Variants in TSFM observed in about 807,000 individuals in gnomAD.
TSFM encodes elongation factor Ts, mitochondrial.
TSFM carries 29 observed loss-of-function variants against 33.4 expected under a neutral mutation model. The ratio of observed to expected loss-of-function variants is 0.87; its 90% CI spans 0.65 to 1.18. The LOEUF is 1.18. TSFM is among the 50% of genes most tolerant of loss of function. The pLI is 0.00. For synonymous variants in TSFM, 178 were observed against 163.5 expected (o/e 1.09, Z -0.68); for missense variants, 394 against 395.6 (o/e 1.00, Z 0.04).
chr12:57,791,427 C>T (rs546377054), intron 4 of TSFM, among the ~76,000 whole-genome samples: 5 of 152,298 alleles, frequency 3.3e-5, no homozygotes, highest in Admixed American at 6.5e-5. Flanking sequence ...CCTTCTACCC[C>T]GTTCCTATCC....
intron 4 of TSFM, 50 bp from the exon 5 acceptor site, chr12:57,792,935 TA>T (rs1315725484): frequency 4.5e-6 from 7 of 1,562,986 alleles, no homozygotes; most frequent in Non-Finnish European, 6.2e-6. Context: ...ATTCTTTTGA[TA>T]ATTTGAATAG....
chr12:57,783,089 TC>T lies in TSFM; in HGVS notation c.58-18del, dbSNP rs1955534712. 6.3e-7 allele frequency: 1 copy of T among 1,597,774 alleles called. No individual in the cohort carries two copies. The highest frequency in any genetic ancestry group is 8.5e-7 in the Non-Finnish European group (1 of 1,173,834). On this transcript the variant is annotated intron_variant, in intron 1 of 5. Transcript: ENST00000652027. ...GGAGTTTGCTGCTTCCTGCTCCTCA[TC>T]CCTTTCTTATCTCATCTAGGCTGGG...
rs549515970 is a variant in TSFM, at chr12:57,794,023, G to C, written c.571+950G>C. Among the ~76,000 whole-genome samples the C allele has an allele frequency of 2.6e-5, 4 of 152,336 alleles. No homozygotes were observed. The South Asian group carries it at 8.3e-4, about 32-fold the overall frequency. On this transcript the variant is annotated intron_variant, in intron 5 of 5. Coordinates refer to ENST00000652027, the MANE Select transcript of TSFM (RefSeq NM_005726.6). ...TCCTTGATGGAGGGTGGGTGGTAGGGAAGGGTTGGAGCTTGCTGGGAATTT... is the reference window on the plus strand; with the variant it reads ...TCCTTGATGGAGGGTGGGTGGTAGGCAAGGGTTGGAGCTTGCTGGGAATTT...
At position 57,796,707 on chromosome 12, in the gene TSFM, T is replaced by G. The variant is rs911399306; in HGVS notation, c.*124T>G. The G allele has an allele frequency of 7.2e-6, 9 of 1,246,798 alleles. No individual in the cohort carries two copies. The highest frequency in any genetic ancestry group is 4.0e-5 in the South Asian group (1 of 24,946). The allele number at this position is 1,246,798 out of a possible 1,614,324, so 77.2% of individuals were successfully genotyped here. A position where few individuals can be genotyped will look rare whatever the true frequency, so the allele number is the denominator to read the frequency against. ...TGGGTAAAATTATTAAATAGTTGTA[T>G]AATAAAAATAATTTTTTCCTTGTTT... On this transcript the variant is annotated 3_prime_UTR_variant, in exon 6 of 6. Coordinates refer to ENST00000652027, the MANE Select transcript of TSFM (RefSeq NM_005726.6).
intron 2 of TSFM, chr12:57,783,858 C>G (rs866809314): frequency 1.5e-6 from 1 of 666,158 alleles, no homozygotes; most frequent in Non-Finnish European, 2.7e-6. Context: ...TCAGGTGATC[C>G]GCCCGCCTCG....
At chr12:57,799,809 G>C (rs1459350300), downstream of TSFM, 3 of 1,613,890 alleles carry the variant, frequency 1.9e-6, no homozygotes, top group East Asian at 4.5e-5. Flanking sequence ...TTTTTGGCAG[G>C]GTTTACATCC....
intron 4 of TSFM, among the ~76,000 whole-genome samples, chr12:57,789,868 C>G (rs1955639685): frequency 6.6e-6 from 1 of 151,940 alleles, no homozygotes; most frequent in Non-Finnish European, 1.5e-5. Flanking sequence ...CTTTGATATG[C>G]CCTTATTATT....
Position 57,797,474 on chromosome 12 carries a change from T to A in TSFM, c.*891T>A. Reference sequence around the variant, plus strand: ...TTTGCCTATGGAGTGCATATATGATTTCAATGATTTACAGGCTAAATAGAT... The same window carrying A: ...TTTGCCTATGGAGTGCATATATGATATCAATGATTTACAGGCTAAATAGAT... On this transcript the variant is annotated 3_prime_UTR_variant, in exon 6 of 6. Coordinates refer to ENST00000652027, the MANE Select transcript of TSFM (RefSeq NM_005726.6). 4 of 983,724 alleles carry A rather than the reference T, an allele frequency of 4.1e-6. No individual in the cohort carries two copies. Among genetic ancestry groups the A allele is most frequent in the Non-Finnish European group, 4.8e-6 (4 of 828,318 alleles). The allele number at this position is 983,724 out of a possible 1,614,324, so 60.9% of individuals were successfully genotyped here.
rs1955536022 is a variant in TSFM at position 57,783,141 on chromosome 12, C to G, written c.89C>G (p.Pro30Arg). ...AGSLLRQSPQ[P>R]RHTFYAGPRL... is the part of the protein sequence containing the mutation. ...TCTCTTCTGCGTCAGTCGCCCCAGC[C>G]AAGGCACACATTTTATGCTGGGCCC... The change falls in exon 2 of 6, where the codon CCA (proline) becomes CGA (arginine). Residue 30 changes from proline to arginine, a missense_variant. Physicochemically the swap from Pro to Arg is moderately radical, Grantham distance 103. Coordinates refer to ENST00000652027, the MANE Select transcript of TSFM (RefSeq NM_005726.6). The G allele has an allele frequency of 6.2e-7, 1 of 1,612,358 alleles. No individual in the cohort carries two copies. The highest frequency in any genetic ancestry group is 8.5e-7 in the Non-Finnish European group (1 of 1,179,854).
chr12:57,795,859 A>G (rs1016182062), intron 5 of TSFM, among the ~76,000 whole-genome samples: 1 of 151,130 alleles, frequency 6.6e-6, no homozygotes, highest in African/African-American at 2.4e-5. Context: ...CAGGTGATCT[A>G]CCCGCTTCAG....
intron 2 of TSFM, 88 bp from the exon 3 acceptor site, chr12:57,786,075 A>C: frequency 7.1e-7 from 1 of 1,399,206 alleles, no homozygotes. Flanking sequence ...GAATTTAGAG[A>C]ATCAGGAAAC....
chr12:57,795,033 A>T (rs1955712478), intron 5 of TSFM, among the ~76,000 whole-genome samples: 1 of 150,386 alleles, frequency 6.6e-6, no homozygotes, highest in Non-Finnish European at 1.5e-5. Flanking sequence ...TGCTGGGATT[A>T]CAGGCGTGAG....
chr12:57,787,047 G>A lies in TSFM; in HGVS notation c.368G>A (p.Cys123Tyr). ...GNTTVLVEVNCETDFVSRNLK... is the reference protein window; with the variant it reads ...GNTTVLVEVNYETDFVSRNLK... Reference sequence around the variant, plus strand: ...ATCAATTTGTTCCCACAGGTAAACTGTGAGACAGATTTTGTTTCTAGAAAT... The same window carrying A: ...ATCAATTTGTTCCCACAGGTAAACTATGAGACAGATTTTGTTTCTAGAAAT... The change falls in exon 4 of 6, where the codon TGT (cysteine) becomes TAT (tyrosine). Residue 123 changes from cysteine (C) to tyrosine (Y), a missense_variant. Coordinates refer to ENST00000652027, the MANE Select transcript of TSFM (RefSeq NM_005726.6). The A allele has an allele frequency of 6.2e-7, 1 of 1,613,516 alleles. No homozygotes were observed. The highest frequency in any genetic ancestry group is 8.5e-7 in the Non-Finnish European group (1 of 1,179,698).
chr12:57,795,683 C>T (rs780104392), intron 5 of TSFM, among the ~76,000 whole-genome samples: 19 of 151,990 alleles, frequency 1.3e-4, no homozygotes, highest in Non-Finnish European at 2.4e-4. Flanking sequence ...GGTACGATCT[C>T]GGCTCACTGC....
At position 57,782,873 on chromosome 12, in the gene TSFM, T is replaced by C. The variant is rs1449376833; in HGVS notation, c.57+15T>C. ...GGAGCTACCCGGTGAGAAGTCCTGG[T>C]GCTGGTACCGACCTGCTGTCCCTGC... is the stretch of plus-strand genomic sequence containing the variant. On this transcript the variant is annotated intron_variant, in intron 1 of 5. Coordinates refer to ENST00000652027, the MANE Select transcript of TSFM (RefSeq NM_005726.6). 13 of 1,588,048 alleles carry C rather than the reference T, an allele frequency of 8.2e-6. No homozygotes were observed. The highest frequency in any genetic ancestry group is 1.1e-5 in the Non-Finnish European group (13 of 1,167,810).
downstream of TSFM, among the ~76,000 whole-genome samples, chr12:57,798,870 C>G (rs1389232159): frequency 6.6e-6 from 1 of 152,160 alleles, no homozygotes; most frequent in Non-Finnish European, 1.5e-5. Context: ...CCACCTCACC[C>G]TCCCAAAGTG....
intron 5 of TSFM, among the ~76,000 whole-genome samples, chr12:57,793,788 T>C (rs1595145191): frequency 6.6e-6 from 1 of 152,236 alleles, no homozygotes; most frequent in African/African-American, 2.4e-5. Context: ...GAGTATATGC[T>C]GTAGGGAAAA....
chr12:57,789,816 A>G (rs754232576), intron 4 of TSFM, among the ~76,000 whole-genome samples: 7 of 152,206 alleles, frequency 4.6e-5, no homozygotes, highest in Non-Finnish European at 1.0e-4. Flanking sequence ...TTGATGCTCA[A>G]ATTATCTGCG....
downstream of TSFM, among the ~76,000 whole-genome samples, chr12:57,798,607 A>T (rs1370841106): frequency 6.6e-6 from 1 of 151,074 alleles, no homozygotes; most frequent in African/African-American, 2.4e-5. Context: ...AAAGAAATTT[A>T]TTCTTTTCTT....
Sources: gnomAD v4.1 joint callset for allele counts (sites outside exome capture counted in the v4.1 genomes callset) on GRCh38, gnomAD v4.1.1 for gene constraint, MANE v1.5 for transcripts, NCBI Gene and HGNC (gene_info 2026-07-23, HGNC 2026-07-21) for gene names.